FAR2: variants seen among roughly 807,000 people sequenced by gnomAD.
FAR2 encodes epididymis secretory protein Li 81.
FAR2 carries 19 observed loss-of-function variants against 56.0 expected under a neutral mutation model. The ratio of observed to expected loss-of-function variants is 0.34; its 90% CI spans 0.24 to 0.50. FAR2 has a LOEUF of 0.50. Ranked by LOEUF, FAR2 falls within the 20% of genes least tolerant of loss-of-function variation. FAR2 has a pLI of 0.98. For synonymous variants in FAR2, 219 were observed against 218.8 expected (o/e 1.00, Z -0.01); for missense variants, 508 against 642.2 (o/e 0.79, Z 2.26).
At chr12:29,331,513 CCA>C (rs1306025226) in intron 10 of FAR2, 2 of 152,060 alleles carry the variant, frequency 1.3e-5, no homozygotes, top group Non-Finnish European at 2.9e-5. Flanking sequence ...TGAAATATTT[CCA>C]GAGATGATAC....
intron 2 of FAR2, among the ~76,000 whole-genome samples, chr12:29,292,821 C>A (rs556604423): frequency 6.6e-6 from 1 of 152,258 alleles, no homozygotes; most frequent in East Asian, 1.9e-4. Context: ...TTCTGAAGAT[C>A]ATTTGGAAGT....
rs951443712 is a variant in FAR2, at chr12:29,333,995, T to C, written c.*201T>C. 2.3e-6 allele frequency: 1 copy of C among 439,694 alleles called. No homozygotes were observed. The highest frequency in any genetic ancestry group is 3.9e-6 in the Non-Finnish European group (1 of 255,398). 27.2% of individuals were successfully genotyped at this position (439,694 alleles called of 1,614,324 possible). A position where few individuals can be genotyped will look rare whatever the true frequency, so the allele number is the denominator to read the frequency against. Reference sequence around the variant, plus strand: ...TTGTAAACTAGCCCATAGTCACCTATATTTTAGGGAAAAAAATCCAAATTG... The same window carrying C: ...TTGTAAACTAGCCCATAGTCACCTACATTTTAGGGAAAAAAATCCAAATTG... On this transcript the variant is annotated 3_prime_UTR_variant, in exon 12 of 12. Coordinates refer to ENST00000536681, the MANE Select transcript of FAR2 (RefSeq NM_001271783.2).
intron 1 of FAR2, among the ~76,000 whole-genome samples, chr12:29,171,053 C>T (rs574378055): frequency 1.3e-5 from 2 of 152,372 alleles, no homozygotes; most frequent in East Asian, 3.9e-4. Context: ...CTCCCAGTGA[C>T]AACTGAGGAG....
At chr12:29,262,605 G>A (rs1252062251) in intron 1 of FAR2, among the ~76,000 whole-genome samples, 1 of 151,972 alleles carries the variant, frequency 6.6e-6, no homozygotes, top group Non-Finnish European at 1.5e-5. Context: ...ACACCAGCCT[G>A]GGCAACAAGA....
intron 1 of FAR2, among the ~76,000 whole-genome samples, chr12:29,263,222 T>C (rs1304097064): frequency 6.6e-6 from 1 of 152,146 alleles, no homozygotes; most frequent in African/African-American, 2.4e-5. Flanking sequence ...ACACCCCACC[T>C]TCAGCATTGG....
chr12:29,274,360 A>G (rs1312553615), intron 2 of FAR2, among the ~76,000 whole-genome samples: 20 of 151,988 alleles, frequency 1.3e-4, no homozygotes, highest in Admixed American at 1.3e-3. Flanking sequence ...GTGTCCCTAC[A>G]AAGGACATGA....
intron 1 of FAR2, among the ~76,000 whole-genome samples, chr12:29,244,116 A>T (rs1948086840): frequency 6.6e-6 from 1 of 152,202 alleles, no homozygotes; most frequent in Non-Finnish European, 1.5e-5. Context: ...ATATTCCTGT[A>T]TGTTCTTTTT....
At chr12:29,205,702 A>ATT (rs1271011206) in intron 1 of FAR2, among the ~76,000 whole-genome samples, 1 of 152,254 alleles carries the variant, frequency 6.6e-6, no homozygotes, top group African/African-American at 2.4e-5. Flanking sequence ...AACAAGAAGC[A>ATT]TCCTTGATGT....
chr12:29,161,509 T>C lies in FAR2; in HGVS notation c.-39+12102T>C, dbSNP rs529574423. Among the ~76,000 whole-genome samples, 8 of 152,372 alleles carry C rather than the reference T, an allele frequency of 5.3e-5. No homozygotes were observed. In the East Asian group the frequency reaches 1.5e-3, roughly 29 times the overall value. On this transcript the variant is annotated intron_variant, in intron 1 of 11. Transcript: ENST00000536681. ...ATTCATTCACATTGCTGTGTAATACTCCATACTGTGAATATGCCATACTTT... is the reference window on the plus strand; with the variant it reads ...ATTCATTCACATTGCTGTGTAATACCCCATACTGTGAATATGCCATACTTT...
chr12:29,266,554 G>A (rs1346304832), intron 1 of FAR2, among the ~76,000 whole-genome samples: 1 of 151,948 alleles, frequency 6.6e-6, no homozygotes, highest in Non-Finnish European at 1.5e-5. Flanking sequence ...ATACAATTAA[G>A]CAGAATGAAT....
intron 1 of FAR2, among the ~76,000 whole-genome samples, chr12:29,252,184 A>T (rs996824108): frequency 2.6e-5 from 4 of 152,194 alleles, no homozygotes; most frequent in Non-Finnish European, 5.9e-5. Flanking sequence ...AGTGGAGGTA[A>T]GGAAGAGTCT....
intron 1 of FAR2, among the ~76,000 whole-genome samples, chr12:29,224,203 C>G (rs1432641014): frequency 6.6e-6 from 1 of 152,108 alleles, no homozygotes; most frequent in African/African-American, 2.4e-5. Context: ...AAAAACTGAC[C>G]AAGTTCACTA....
chr12:29,268,021 T>G (rs186039665), intron 1 of FAR2, among the ~76,000 whole-genome samples: 2 of 152,298 alleles, frequency 1.3e-5, no homozygotes, highest in East Asian at 3.9e-4. Context: ...GCTGAAAAAT[T>G]TTTTTAGTAA....
chr12:29,186,782 A>C, intron 1 of FAR2, among the ~76,000 whole-genome samples: 1 of 143,534 alleles, frequency 7.0e-6, no homozygotes, highest in African/African-American at 2.5e-5. Flanking sequence ...TTATTTATTT[A>C]TTTATTTATT....
chr12:29,151,559 T>C (rs1949681673), intron 1 of FAR2: 1 of 152,216 alleles, frequency 6.6e-6, no homozygotes, highest in Non-Finnish European at 1.5e-5. Context: ...GCTGGCTTAA[T>C]AATTTTCAAA....
intron 8 of FAR2, 121 bp downstream of exon 8, chr12:29,312,071 A>G: frequency 1.6e-6 from 1 of 640,734 alleles, no homozygotes; most frequent in Non-Finnish European, 2.7e-6. Flanking sequence ...AAGTAAAGAG[A>G]CAAAATAATG....
In FAR2 at chr12:29,308,180, T is replaced by C. The variant is rs1949284124; in HGVS notation, c.723+345T>C. 4 of 181,182 alleles carry C rather than the reference T, an allele frequency of 2.2e-5. No homozygotes were observed. The South Asian group carries it at 6.2e-4, about 28-fold the overall frequency. The allele number at this position is 181,182 out of a possible 1,614,324, so 11.2% of individuals were successfully genotyped here. A position where few individuals can be genotyped will look rare whatever the true frequency, so the allele number is the denominator to read the frequency against. ...ATGTCCTTGATGGCCAAATTGGTAG[T>C]ATTACAACTGCCAGGGTAAACAAGA... is the stretch of plus-strand genomic sequence containing the variant. On this transcript the variant is annotated intron_variant, in intron 5 of 11. Transcript: ENST00000536681.
chr12:29,251,495 G>T (rs1450762809), intron 1 of FAR2, among the ~76,000 whole-genome samples: 2 of 152,134 alleles, frequency 1.3e-5, no homozygotes, highest in Non-Finnish European at 2.9e-5. Flanking sequence ...AGAATAGGAG[G>T]TCAGGTGATC....
At chr12:29,155,149 A>G (rs1949716378) in intron 1 of FAR2, among the ~76,000 whole-genome samples, 1 of 152,346 alleles carries the variant, frequency 6.6e-6, no homozygotes, top group Admixed American at 6.5e-5. Context: ...GCAGGACCTC[A>G]TCAAGATACA....
Sources: gnomAD v4.1 joint callset for allele counts (sites outside exome capture counted in the v4.1 genomes callset) on GRCh38, gnomAD v4.1.1 for gene constraint, MANE v1.5 for transcripts, NCBI Gene and HGNC (gene_info 2026-07-23, HGNC 2026-07-21) for gene names.